Variants in GSE1 observed in about 807,000 individuals in gnomAD.
GSE1 encodes genetic suppressor element 1.
Under a neutral mutation model 112.6 loss-of-function variants are expected in GSE1, and 32 were observed. That is an observed-to-expected ratio of 0.28 (90% CI 0.21 to 0.38). The LOEUF is 0.38. Ranked by LOEUF, GSE1 falls within the 10% of genes least tolerant of loss-of-function variation. The pLI is 1.00. For synonymous variants in GSE1, 1,115 were observed against 735.6 expected, an observed-to-expected ratio of 1.52 and a Z score of -8.35; for missense variants, 2,348 against 1,699.2, an observed-to-expected ratio of 1.38 and a Z score of -6.71.
intron 2 of GSE1, among the ~76,000 whole-genome samples, chr16:85,387,920 GTGGA>G (rs58007210): frequency 2.1e-4 from 32 of 149,070 alleles, no homozygotes; most frequent in East Asian, 2.0e-3. Flanking sequence ...AGGTGGGTGA[GTGGA>G]TGGATGGATG....
At chr16:85,603,675 A>G (rs1013517393) in intron 1 of GSE1, among the ~76,000 whole-genome samples, 2 of 151,836 alleles carry the variant, frequency 1.3e-5, no homozygotes, top group African/African-American at 4.8e-5. Flanking sequence ...TTATTTTTTT[A>G]TTATTATTTT....
chr16:85,391,786 TGG>T (rs2047843830), intron 2 of GSE1, among the ~76,000 whole-genome samples: 1 of 152,154 alleles, frequency 6.6e-6, no homozygotes, highest in African/African-American at 2.4e-5. Flanking sequence ...TAGATGCTTG[TGG>T]GGCCTCACTG....
chr16:85,441,644 C>T (rs1247080377), intron 2 of GSE1, among the ~76,000 whole-genome samples: 1 of 151,280 alleles, frequency 6.6e-6, no homozygotes, highest in Admixed American at 6.5e-5. Context: ...GAGACTCCGT[C>T]TCAAAACACA....
At chr16:85,528,090 A>C (rs2052419795) in intron 2 of GSE1, among the ~76,000 whole-genome samples, 1 of 152,224 alleles carries the variant, frequency 6.6e-6, no homozygotes, top group African/African-American at 2.4e-5. Flanking sequence ...AACCCTGCAA[A>C]CAGGGAGGAG....
At chr16:85,202,342 C>G (rs897841569) in intron 1 of GSE1, among the ~76,000 whole-genome samples, 7 of 152,378 alleles carry the variant, frequency 4.6e-5, no homozygotes, top group African/African-American at 1.4e-4. Flanking sequence ...GTGCCCCACA[C>G]GGCCTCCAGG....
rs1022354193 is a variant in GSE1 at position 85,288,975 on chromosome 16, A to G, written c.2284-68488A>G. Among the ~76,000 whole-genome samples the G allele has an allele frequency of 4.6e-5, 7 of 152,120 alleles. 1 individual carries two copies. Among genetic ancestry groups the G allele is most frequent in the Admixed American group, 4.6e-4 (7 of 15,280 alleles). The stretch of plus-strand genomic sequence containing the variant: ...TGCAGGGAGGGGAGGTCAGCGAGAA[A>G]ACAATGGTGTCAGGCTCTCCTGAGC... On this transcript the variant is annotated intron_variant, in intron 1 of 2. Coordinates refer to the GSE1 transcript ENST00000637419.
At chr16:85,360,408 G>A (rs535151094) in intron 2 of GSE1, among the ~76,000 whole-genome samples, 120 of 152,154 alleles carry the variant, frequency 7.9e-4, no homozygotes, top group Non-Finnish European at 1.3e-3. Context: ...ACGAACCTGC[G>A]TCTGCCAGCT....
At chr16:85,269,909 C>T (rs776148845) in intron 1 of GSE1, among the ~76,000 whole-genome samples, 1 of 149,604 alleles carries the variant, frequency 6.7e-6, no homozygotes, top group Non-Finnish European at 1.5e-5. Flanking sequence ...CATGTAGCTG[C>T]GTTCTGTGGA....
intron 1 of GSE1, among the ~76,000 whole-genome samples, chr16:85,331,373 G>GTATATATATGTATATATATGTA (rs1555563690): frequency 0.021 from 1,767 of 84,228 alleles, 153 homozygotes; most frequent in Middle Eastern, 0.059. Flanking sequence ...GTGTATATAT[G>GTATATATATGTATATATATGTA]TATATATATG....
intron 2 of GSE1, among the ~76,000 whole-genome samples, chr16:85,404,213 T>A (rs1342923633): frequency 2.2e-5 from 2 of 89,074 alleles, no homozygotes; most frequent in African/African-American, 1.0e-4. Flanking sequence ...TGGATAATCC[T>A]CACCGTTACA....
chr16:85,337,099 A>T (rs927366559), intron 1 of GSE1, among the ~76,000 whole-genome samples: 3 of 152,204 alleles, frequency 2.0e-5, no homozygotes, highest in Admixed American at 6.5e-5. Context: ...GGCTGGCGAC[A>T]GAGTGCAGAC....
chr16:85,388,064 G>T (rs2047730864), intron 2 of GSE1, among the ~76,000 whole-genome samples: 1 of 114,936 alleles, frequency 8.7e-6, no homozygotes, highest in African/African-American at 3.9e-5. Context: ...AGATGGGTGA[G>T]TGGATGGGTG....
intron 2 of GSE1, among the ~76,000 whole-genome samples, chr16:85,393,610 C>G (rs533268719): frequency 6.6e-6 from 1 of 152,344 alleles, no homozygotes; most frequent in Non-Finnish European, 1.5e-5. Context: ...AAAGAGCCAC[C>G]TATCCCTGAC....
chr16:85,194,791 G>A (rs1465092747), intron 1 of GSE1, among the ~76,000 whole-genome samples: 2 of 152,150 alleles, frequency 1.3e-5, no homozygotes. Flanking sequence ...TCCAGGGTGC[G>A]AATCTGAAGT....
chr16:85,415,197 C>G (rs573228065), intron 2 of GSE1, among the ~76,000 whole-genome samples: 2 of 152,342 alleles, frequency 1.3e-5, no homozygotes, highest in South Asian at 4.1e-4. Flanking sequence ...ACCTTGGCCT[C>G]TCAGAGTACT....
At chr16:85,645,607 G>A (rs954109197) in intron 2 of GSE1, among the ~76,000 whole-genome samples, 1 of 152,178 alleles carries the variant, frequency 6.6e-6, no homozygotes, top group South Asian at 2.1e-4. Context: ...AGGCCACTTT[G>A]GCTGCCTGAG....
chr16:85,667,720 A>G (rs902464226), intron 13 of GSE1, among the ~76,000 whole-genome samples: 1 of 152,208 alleles, frequency 6.6e-6, no homozygotes, highest in Non-Finnish European at 1.5e-5. Flanking sequence ...TTAGCTGGGC[A>G]TGGTGGCACA....
At chr16:85,422,158 G>A (rs968126501) in intron 2 of GSE1, among the ~76,000 whole-genome samples, 1 of 150,106 alleles carries the variant, frequency 6.7e-6, no homozygotes, top group Non-Finnish European at 1.5e-5. Flanking sequence ...ACCCCACCTC[G>A]GCCCCCTCCT....
intron 2 of GSE1, among the ~76,000 whole-genome samples, chr16:85,502,841 G>A (rs1373781903): frequency 6.6e-6 from 1 of 152,250 alleles, no homozygotes; most frequent in Non-Finnish European, 1.5e-5. Context: ...GAGAGCAGCA[G>A]TGGCCCTGGG....
Sources: allele counts gnomAD v4.1 joint callset (sites outside exome capture counted in the v4.1 genomes callset), GRCh38; gene constraint gnomAD v4.1.1; transcripts MANE v1.5; gene names NCBI Gene and HGNC (gene_info 2026-07-23, HGNC 2026-07-21).